The following CLSTN2 variants were observed in gnomAD, a reference collection of about 807,000 sequenced individuals.
CLSTN2 encodes calsyntenin-2.
A neutral mutation model predicts 101.2 loss-of-function variants in CLSTN2; 48 were observed. The observed-to-expected ratio is 0.47, with a 90% confidence interval of 0.38 to 0.60. The LOEUF (loss-of-function observed/expected upper bound fraction) is 0.60, where lower values mean the gene tolerates loss of function less well. Ranked by LOEUF, CLSTN2 falls within the 20% of genes least tolerant of loss-of-function variation. CLSTN2 has a pLI of 0.00. For synonymous variants in CLSTN2, 481 were observed against 463.6 expected (o/e 1.04, Z -0.48); for missense variants, 1,160 against 1,238.2 (o/e 0.94, Z 0.95).
intron 8 of CLSTN2, among the ~76,000 whole-genome samples, chr3:140,496,480 G>T (rs112409802): frequency 1.3e-4 from 20 of 151,802 alleles, no homozygotes; most frequent in Admixed American, 8.5e-4. Flanking sequence ...TGATTTCCTG[G>T]GCCAAACTTC....
At chr3:140,368,805 G>C (rs1176861224) in intron 2 of CLSTN2, among the ~76,000 whole-genome samples, 2 of 152,184 alleles carry the variant, frequency 1.3e-5, no homozygotes, top group African/African-American at 2.4e-5. Context: ...GTGACTTTTT[G>C]TGTGAAACCC....
intron 1 of CLSTN2, among the ~76,000 whole-genome samples, chr3:140,016,567 G>A (rs899597430): frequency 1.3e-5 from 2 of 152,002 alleles, no homozygotes; most frequent in Non-Finnish European, 2.9e-5. Context: ...TTGGGAGGCC[G>A]AGGCGGGCGG....
intron 2 of CLSTN2, among the ~76,000 whole-genome samples, chr3:140,353,618 T>C (rs1355580986): frequency 6.6e-6 from 1 of 152,136 alleles, no homozygotes; most frequent in African/African-American, 2.4e-5. Flanking sequence ...TCCAATCAAG[T>C]TGATACTCAG....
chr3:140,017,431 C>G (rs1202235876), intron 1 of CLSTN2, among the ~76,000 whole-genome samples: 1 of 152,194 alleles, frequency 6.6e-6, no homozygotes, highest in African/African-American at 2.4e-5. Flanking sequence ...AAGGCTGGAC[C>G]TGGATATAGG....
At chr3:140,267,361 A>T (rs1291786781) in intron 2 of CLSTN2, among the ~76,000 whole-genome samples, 1 of 152,158 alleles carries the variant, frequency 6.6e-6, no homozygotes, top group South Asian at 2.1e-4. Context: ...GGTGTCTCTG[A>T]TGTAGAATGC....
At chr3:140,444,971 A>C (rs1393840462) in intron 5 of CLSTN2, among the ~76,000 whole-genome samples, 1 of 152,198 alleles carries the variant, frequency 6.6e-6, no homozygotes, top group African/African-American at 2.4e-5. Flanking sequence ...CCTTCTTGGA[A>C]AATGGAAGAT....
chr3:140,425,843 A>G (rs1246472489), intron 5 of CLSTN2, among the ~76,000 whole-genome samples: 1 of 152,192 alleles, frequency 6.6e-6, no homozygotes, highest in Non-Finnish European at 1.5e-5. Flanking sequence ...GTGAGGTGGA[A>G]CTTTGCTGAA....
At chr3:140,562,777 G>T in intron 13 of CLSTN2, 34 bp from the exon 14 acceptor site, 1 of 1,608,584 alleles carries the variant, frequency 6.2e-7, no homozygotes, top group East Asian at 2.2e-5. Context: ...CTCCTTTTCT[G>T]CCTTCTGATG....
intron 1 of CLSTN2, among the ~76,000 whole-genome samples, chr3:140,029,229 G>T (rs1447325125): frequency 2.6e-5 from 4 of 152,132 alleles, no homozygotes; most frequent in Admixed American, 2.0e-4. Context: ...CTCTTAGGTT[G>T]TCTGGAGTGA....
chr3:140,462,607 A>G (rs1933589130), intron 7 of CLSTN2: 1 of 152,258 alleles, frequency 6.6e-6, no homozygotes, highest in Non-Finnish European at 1.5e-5. Context: ...GCTGGATAAC[A>G]GAATTGACTA....
At chr3:140,031,422 A>G (rs2007546056) in intron 1 of CLSTN2, among the ~76,000 whole-genome samples, 1 of 152,218 alleles carries the variant, frequency 6.6e-6, no homozygotes, top group Non-Finnish European at 1.5e-5. Context: ...GGCATCCTCC[A>G]CTATCTGAAG....
chr3:140,218,753 C>T (rs2086234586), intron 2 of CLSTN2, among the ~76,000 whole-genome samples: 1 of 152,160 alleles, frequency 6.6e-6, no homozygotes, highest in Non-Finnish European at 1.5e-5. Context: ...CCCATGAAAC[C>T]TGGAGCGAAG....
chr3:140,141,084 C>T (rs1001268446), intron 1 of CLSTN2, among the ~76,000 whole-genome samples: 2 of 152,206 alleles, frequency 1.3e-5, no homozygotes, highest in Admixed American at 6.5e-5. Flanking sequence ...TTAGGAAAGC[C>T]TTCTTAGATG....
intron 8 of CLSTN2, among the ~76,000 whole-genome samples, chr3:140,530,092 G>T (rs908208344): frequency 6.6e-6 from 1 of 151,958 alleles, no homozygotes; most frequent in African/African-American, 2.4e-5. Flanking sequence ...CTTTCCTAAG[G>T]ATATAATCAG....
At chr3:140,017,852 T>C (rs896792918) in intron 1 of CLSTN2, among the ~76,000 whole-genome samples, 7 of 152,238 alleles carry the variant, frequency 4.6e-5, no homozygotes, top group Non-Finnish European at 1.0e-4. Context: ...TGTCCTGAGG[T>C]TGGGCCATGC....
intron 2 of CLSTN2, among the ~76,000 whole-genome samples, chr3:140,204,474 A>G (rs370380397): frequency 2.0e-5 from 3 of 152,254 alleles, no homozygotes; most frequent in African/African-American, 7.2e-5. Context: ...AGTACCTAGT[A>G]TCTGCCACAT....
chr3:140,227,949 C>T (rs953925478), intron 2 of CLSTN2, among the ~76,000 whole-genome samples: 2 of 152,186 alleles, frequency 1.3e-5, no homozygotes, highest in African/African-American at 4.8e-5. Flanking sequence ...ATGTTTTCCT[C>T]CTAAACCTCC....
At chr3:140,528,154 T>C (rs1935180662) in intron 8 of CLSTN2, among the ~76,000 whole-genome samples, 1 of 152,186 alleles carries the variant, frequency 6.6e-6, no homozygotes, top group Non-Finnish European at 1.5e-5. Flanking sequence ...TCCTATTTTA[T>C]AGGGTTGTGG....
intron 1 of CLSTN2, among the ~76,000 whole-genome samples, chr3:140,155,936 C>A (rs2009946675): frequency 7.2e-6 from 1 of 139,166 alleles, no homozygotes; most frequent in African/African-American, 2.5e-5. Flanking sequence ...ACATTAATAT[C>A]CTTAGCCATG....
Sources: allele counts gnomAD v4.1 joint callset (sites outside exome capture counted in the v4.1 genomes callset), GRCh38; gene constraint gnomAD v4.1.1; transcripts MANE v1.5; gene names NCBI Gene and HGNC (gene_info 2026-07-23, HGNC 2026-07-21).